The following SLC39A11 variants were observed in gnomAD, a reference collection of about 807,000 sequenced individuals.
The protein encoded by SLC39A11 is solute carrier family 39 member 11.
A neutral mutation model predicts 36.1 loss-of-function variants in SLC39A11; 33 were observed. That is an observed-to-expected ratio of 0.91 (90% CI 0.69 to 1.22). SLC39A11 has a LOEUF of 1.22. Ranked by LOEUF, SLC39A11 falls within the 50% of genes most tolerant of loss-of-function variation. The pLI is 0.00. For missense variants in SLC39A11, 432 were observed against 430.3 expected, an observed-to-expected ratio of 1.00 and a Z score of -0.03; for synonymous variants, 166 against 170.3, an observed-to-expected ratio of 0.97 and a Z score of 0.20.
intron 7 of SLC39A11, among the ~76,000 whole-genome samples, chr17:72,691,992 C>G (rs1179058776): frequency 6.6e-6 from 1 of 151,374 alleles, no homozygotes; most frequent in Non-Finnish European, 1.5e-5. Flanking sequence ...TAATCCCTCC[C>G]CCACCTACCT....
chr17:73,009,671 TA>T (rs2090403499), intron 4 of SLC39A11, among the ~76,000 whole-genome samples: 2 of 152,190 alleles, frequency 1.3e-5, no homozygotes, highest in Admixed American at 6.5e-5. Context: ...ATGAAGGTAC[TA>T]AATGTCACTG....
intron 4 of SLC39A11, among the ~76,000 whole-genome samples, chr17:72,971,392 G>T (rs2087441520): frequency 6.6e-6 from 1 of 151,836 alleles, no homozygotes; most frequent in African/African-American, 2.4e-5. Flanking sequence ...TGGCAAGAAA[G>T]CAGCTCTGGG....
At chr17:72,687,432 A>T (rs2071812547) in intron 7 of SLC39A11, among the ~76,000 whole-genome samples, 1 of 152,096 alleles carries the variant, frequency 6.6e-6, no homozygotes, top group Non-Finnish European at 1.5e-5. Context: ...TTTAGTAGAG[A>T]TGGGGTTTCA....
chr17:72,891,041 A>AT (rs983184688), intron 5 of SLC39A11, among the ~76,000 whole-genome samples: 4 of 137,886 alleles, frequency 2.9e-5, no homozygotes, highest in Admixed American at 1.6e-4. Context: ...ACGTACCTGT[A>AT]TTTTCCAAAG....
chr17:72,950,414 T>G (rs993181805), intron 4 of SLC39A11, among the ~76,000 whole-genome samples: 3 of 152,294 alleles, frequency 2.0e-5, no homozygotes, highest in East Asian at 1.9e-4. Flanking sequence ...AAGGCCGGTC[T>G]CTCCCTCTGT....
intron 3 of SLC39A11, among the ~76,000 whole-genome samples, chr17:73,048,126 A>G (rs2059381402): frequency 1.3e-5 from 2 of 150,708 alleles, no homozygotes; most frequent in African/African-American, 4.9e-5. Context: ...TTACATGGGT[A>G]TACTGCACCC....
intron 6 of SLC39A11, among the ~76,000 whole-genome samples, chr17:72,813,909 G>A (rs1203882199): frequency 6.6e-6 from 1 of 152,174 alleles, no homozygotes; most frequent in Non-Finnish European, 1.5e-5. Context: ...CATTTAAAAC[G>A]TGACACTGAC....
chr17:72,651,060 C>T (rs28653544), intron 7 of SLC39A11, among the ~76,000 whole-genome samples: 57,899 of 151,944 alleles, frequency 0.38, 11,370 homozygotes, highest in East Asian at 0.54. Context: ...GTTCCAGATA[C>T]CTCAGGAAGA....
chr17:72,649,603 T>C (rs2069748786), intron 7 of SLC39A11, among the ~76,000 whole-genome samples: 1 of 152,188 alleles, frequency 6.6e-6, no homozygotes, highest in Admixed American at 6.5e-5. Flanking sequence ...ACTTTTCATT[T>C]TACTTTCTAC....
At chr17:73,004,119 A>AAAGAAAGAAAGGAAAGAAAGG (rs1568104714) in intron 4 of SLC39A11, among the ~76,000 whole-genome samples, 5 of 148,824 alleles carry the variant, frequency 3.4e-5, no homozygotes, top group African/African-American at 1.2e-4. Context: ...AGAGAGAGAG[A>AAAGAAAGAAAGGAAAGAAAGG]AAGAAAGAAA....
intron 4 of SLC39A11, among the ~76,000 whole-genome samples, chr17:72,973,951 T>G (rs552229920): frequency 7.4e-4 from 112 of 152,174 alleles, no homozygotes; most frequent in African/African-American, 2.6e-3. Flanking sequence ...GACAGTCCAG[T>G]CTTGTGTGCA....
intron 5 of SLC39A11, among the ~76,000 whole-genome samples, chr17:72,923,712 G>A (rs1025571451): frequency 2.0e-5 from 3 of 152,162 alleles, no homozygotes; most frequent in South Asian, 2.1e-4. Context: ...TCCATTTGAC[G>A]AAGTACTACA....
chr17:72,731,340 G>A (rs1185926637), intron 7 of SLC39A11, among the ~76,000 whole-genome samples: 1 of 152,178 alleles, frequency 6.6e-6, no homozygotes, highest in African/African-American at 2.4e-5. Context: ...GTCCCTGGTG[G>A]ATATGGTTTG....
chr17:72,769,586 C>T (rs1159533868), intron 6 of SLC39A11, among the ~76,000 whole-genome samples: 1 of 151,650 alleles, frequency 6.6e-6, no homozygotes, highest in Non-Finnish European at 1.5e-5. Context: ...CGCTCTGTTG[C>T]CAGGCCAGAG....
intron 7 of SLC39A11, among the ~76,000 whole-genome samples, chr17:72,728,860 T>C (rs965512898): frequency 6.6e-6 from 1 of 152,094 alleles, no homozygotes; most frequent in African/African-American, 2.4e-5. Context: ...TCCTTGTCAC[T>C]TGGACTCAAA....
intron 4 of SLC39A11, among the ~76,000 whole-genome samples, chr17:72,996,865 T>C (rs544906595): frequency 1.1e-4 from 16 of 152,288 alleles, no homozygotes; most frequent in African/African-American, 3.1e-4. Context: ...GAAGTATCCA[T>C]GGGTCGGTTC....
At chr17:72,824,268 C>T (rs1053407927) in intron 6 of SLC39A11, among the ~76,000 whole-genome samples, 1 of 151,228 alleles carries the variant, frequency 6.6e-6, no homozygotes, top group African/African-American at 2.4e-5. Flanking sequence ...CTCTCTCTCT[C>T]TCCTGCTCCA....
chr17:72,798,396 G>T (rs2262641), intron 6 of SLC39A11, among the ~76,000 whole-genome samples: 4,298 of 148,850 alleles, frequency 0.029, 176 homozygotes, highest in African/African-American at 0.08. Flanking sequence ...ACTGAGCTCT[G>T]GTCTCTTCCA....
chr17:72,764,165 C>G (rs1160891205), intron 6 of SLC39A11, among the ~76,000 whole-genome samples: 1 of 152,148 alleles, frequency 6.6e-6, no homozygotes, highest in Non-Finnish European at 1.5e-5. Context: ...CAGCCTGTCT[C>G]TTCCCGGGCC....
Sources: allele counts gnomAD v4.1 joint callset (sites outside exome capture counted in the v4.1 genomes callset), GRCh38; gene constraint gnomAD v4.1.1; transcripts MANE v1.5; gene names NCBI Gene and HGNC (gene_info 2026-07-23, HGNC 2026-07-21).